PAGR1: variants seen among roughly 807,000 people sequenced by gnomAD.
PAGR1 encodes PAXIP1-associated glutamate-rich protein 1.
PAGR1 carries 20 observed loss-of-function variants against 22.4 expected under a neutral mutation model. The ratio of observed to expected loss-of-function variants is 0.89; its 90% CI spans 0.63 to 1.30. The LOEUF is 1.30. PAGR1 is among the 50% of genes most tolerant of loss of function. The pLI is 0.00. For missense variants in PAGR1, 338 were observed against 343.6 expected (o/e 0.98, Z 0.13); for synonymous variants, 161 against 148.3 (o/e 1.09, Z -0.62).
rs1054295809 is a variant in PAGR1 at position 29,819,910 on chromosome 16, T to TGA, written c.*157_*158insAG. On this transcript the variant is annotated 3_prime_UTR_variant, in exon 3 of 3. Transcript: ENST00000320330. ...GAAAGAGGAAGAGAGAGTGTGAGTGTGTGTGTGTGTTTTTTCTATTGAACA... is the reference window on the plus strand; with the variant it reads ...GAAAGAGGAAGAGAGAGTGTGAGTGTGAGTGTGTGTGTTTTTTCTATTGAACA... The TGA allele has an allele frequency of 3.0e-5, 24 of 802,272 alleles. No homozygotes were observed. The highest frequency in any genetic ancestry group is 4.0e-5 in the Non-Finnish European group (21 of 522,552). The allele number at this position is 802,272 out of a possible 1,614,324, so 49.7% of individuals were successfully genotyped here.
At chr16:29,817,075 A>C in intron 1 of PAGR1, 68 bp downstream of exon 1, 1 of 1,555,898 alleles carries the variant, frequency 6.4e-7, no homozygotes, top group African/African-American at 1.4e-5. Context: ...TAGGGAGGGG[A>C]AAATGTGGGA....
In PAGR1 at chr16:29,816,847, C is replaced by G; in HGVS notation, c.322C>G (p.Pro108Ala). Residue 108 changes from proline to alanine, a missense_variant, in exon 1 of 3, where the codon CCG becomes GCG. By Grantham distance (27) the Pro-to-Ala change is conservative. Around this residue, in one of 3 missense-constraint regions of PAGR1, gnomAD observed 235 missense variants for 216.0 expected, o/e 1.09. Coordinates refer to ENST00000320330, the MANE Select transcript of PAGR1 (RefSeq NM_024516.4). ...TGCGGATGGGCAGCCCTGGATGCCC[C>G]CGCCCTCCGAAATCCAGCGGCTCTA... Reference protein sequence around the residue: ...LPADGQPWMPPPSEIQRLYEL... With the variant: ...LPADGQPWMPAPSEIQRLYEL... The G allele has an allele frequency of 4.5e-6, 7 of 1,561,532 alleles. No individual in the cohort carries two copies. The highest frequency in any genetic ancestry group is 6.1e-6 in the Non-Finnish European group (7 of 1,153,930).
At position 29,819,564 on chromosome 16, in the gene PAGR1, C is replaced by T. The variant is rs1283142473; in HGVS notation, c.575C>T (p.Ala192Val). 1 of 1,614,106 alleles carries T rather than the reference C, an allele frequency of 6.2e-7. No homozygotes were observed. The change falls in exon 3 of 3, where the codon GCC becomes GTC. Residue 192 changes from alanine to valine, a missense_variant. Physicochemically the swap from Ala to Val is moderately conservative, Grantham distance 64 (BLOSUM62 0). Coordinates refer to ENST00000320330, the MANE Select transcript of PAGR1 (RefSeq NM_024516.4). ...IDRRRTPGSS[A>V]RSQKREARLD... ...CCTTCCTCTTCTCCAGGAAGCTCAG[C>T]CCGGAGCCAGAAACGGGAGGCCCGC...
intron 2 of PAGR1, chr16:29,818,568 C>CA (rs1555503473): frequency 1.3e-5 from 2 of 151,794 alleles, no homozygotes; most frequent in Non-Finnish European, 2.9e-5. Flanking sequence ...AATCATATCA[C>CA]TTTTTTTTTC....
intron 2 of PAGR1, among the ~76,000 whole-genome samples, chr16:29,819,056 T>C (rs927713676): frequency 4.0e-5 from 6 of 151,772 alleles, no homozygotes; most frequent in African/African-American, 1.2e-4. Context: ...AGTGCAGTAG[T>C]GCGATCTTGG....
At position 29,816,879 on chromosome 16, in the gene PAGR1, G is replaced by C. The variant is rs769455895; in HGVS notation, c.354G>C (p.Leu118=). The change falls in exon 1 of 3, where the codon CTG becomes CTC. Residue 118 remains leucine (L), a synonymous_variant. Transcript: ENST00000320330. The part of the protein sequence containing the change: ...PPSEIQRLYE[L]LAAHGTLELQ... ...CCGAAATCCAGCGGCTCTATGAACT[G>C]CTGGCTGCCCACGGTACTCTGGAGC... The C allele has an allele frequency of 1.4e-5, 22 of 1,563,918 alleles. No homozygotes were observed. The highest frequency in any genetic ancestry group is 1.9e-5 in the Non-Finnish European group (22 of 1,156,260).
At position 29,819,606 on chromosome 16, in the gene PAGR1, C is replaced by G. The variant is rs778488514; in HGVS notation, c.617C>G (p.Ser206Trp). ...GAGGCCCGCCTGGACAAGGTGCTGT[C>G]GGACATGAAGAGACACAAGAAGCTG... ...KREARLDKVL[S>W]DMKRHKKLEE... is the part of the protein sequence containing the mutation. Residue 206 changes from serine to tryptophan, a missense_variant, in exon 3 of 3, where the codon TCG (serine) becomes TGG (tryptophan). Physicochemically the swap from Ser to Trp is radical, Grantham distance 177. Around this residue, in one of 3 missense-constraint regions of PAGR1, gnomAD observed 51 missense variants for 83.1 expected, o/e 0.61. Coordinates refer to ENST00000320330, the MANE Select transcript of PAGR1 (RefSeq NM_024516.4). 6.2e-7 allele frequency: 1 copy of G among 1,614,132 alleles called. No homozygotes were observed. Among genetic ancestry groups the G allele is most frequent in the Non-Finnish European group, 8.5e-7 (1 of 1,180,040 alleles).
chr16:29,816,574 CCT>C lies in PAGR1; in HGVS notation c.52_53del (p.Leu18ValfsTer2). 1.3e-6 allele frequency: 2 copies of C among 1,513,098 alleles called. No homozygotes were observed. The highest frequency in any genetic ancestry group is 1.8e-6 in the Non-Finnish European group (2 of 1,133,536). The allele number at this position is 1,513,098 out of a possible 1,614,324, so 93.7% of individuals were successfully genotyped here. On this transcript the variant is annotated frameshift_variant, in exon 1 of 3. Transcript: ENST00000320330. LOFTEE classifies it high-confidence loss of function. ...AGACACTGCGGCCAGTACGGCGGCG[CCT>C]CTGTCTGAAGAAGGGGAAGTGACCT... ...HGDTAASTAA[P>X]LSEEGEVTSG...
chr16:29,818,854 T>C (rs1407193711), intron 2 of PAGR1, among the ~76,000 whole-genome samples: 1 of 152,056 alleles, frequency 6.6e-6, no homozygotes, highest in Non-Finnish European at 1.5e-5. Context: ...AGGCGTGAGC[T>C]GCTGCACTCA....
In PAGR1 at chr16:29,820,961, C is replaced by CT. The variant is rs2067354162; in HGVS notation, c.*1208dup. 6.6e-6 allele frequency: 1 copy of CT among 152,368 alleles called. No homozygotes were observed. Among genetic ancestry groups the CT allele is most frequent in the Non-Finnish European group, 1.5e-5 (1 of 68,176 alleles). 9.4% of individuals were successfully genotyped at this position (152,368 alleles called of 1,614,324 possible). ...CTGTACCCATTCAGGCCCCTTAACTCTGACAGATGAGGGTTTCTTACTCCT... is the reference window on the plus strand; with the variant it reads ...CTGTACCCATTCAGGCCCCTTAACTCTTGACAGATGAGGGTTTCTTACTCCT... On this transcript the variant is annotated 3_prime_UTR_variant, in exon 3 of 3. Transcript: ENST00000320330.
Position 29,817,246 on chromosome 16 carries a change from G to A in PAGR1, c.519G>A (p.Glu173=), listed in dbSNP as rs1358934939. ...HMPTEFDFDD[E]PVTPKDSLID... ...CCACGGAATTTGATTTTGATGATGA[G>A]CCAGTGACACCAAAGGACTCCCTGA... Residue 173 remains glutamate (E), a synonymous_variant, in exon 2 of 3, where the codon GAG becomes GAA. Coordinates refer to ENST00000320330, the MANE Select transcript of PAGR1 (RefSeq NM_024516.4). 2 of 1,613,998 alleles carry A rather than the reference G, an allele frequency of 1.2e-6. No individual in the cohort carries two copies. The highest frequency in any genetic ancestry group is 2.2e-5 in the South Asian group (2 of 91,078).
intron 2 of PAGR1, 146 bp from the exon 3 acceptor site, chr16:29,819,409 G>T (rs1308808081): frequency 9.2e-6 from 7 of 758,756 alleles, no homozygotes; most frequent in Non-Finnish European, 1.5e-5. Context: ...CCTCTCTGAG[G>T]TCCAACCCTG....
In PAGR1 at chr16:29,819,906, AGTGTGTGT is replaced by A; in HGVS notation, c.*159_*166del. On this transcript the variant is annotated 3_prime_UTR_variant, in exon 3 of 3. Coordinates refer to ENST00000320330, the MANE Select transcript of PAGR1 (RefSeq NM_024516.4). Reference sequence around the variant, plus strand: ...GCGGGAAAGAGGAAGAGAGAGTGTGAGTGTGTGTGTGTGTTTTTTCTATTGAACACCTG... The same window carrying A: ...GCGGGAAAGAGGAAGAGAGAGTGTGAGTGTGTTTTTTCTATTGAACACCTG... 3.6e-6 allele frequency: 3 copies of A among 829,804 alleles called. No homozygotes were observed. Among genetic ancestry groups the A allele is most frequent in the Non-Finnish European group, 3.7e-6 (2 of 547,638 alleles). 51.4% of individuals were successfully genotyped at this position (829,804 alleles called of 1,614,324 possible). A position where few individuals can be genotyped will look rare whatever the true frequency, so the allele number is the denominator to read the frequency against.
In PAGR1 at chr16:29,820,468, TC is replaced by T. The variant is rs1900347018; in HGVS notation, c.*718del. 6.7e-6 allele frequency: 1 copy of T among 149,316 alleles called. No homozygotes were observed. The highest frequency in any genetic ancestry group is 1.5e-5 in the Non-Finnish European group (1 of 67,250). The allele number at this position is 149,316 out of a possible 1,614,324, so 9.2% of individuals were successfully genotyped here. A position where few individuals can be genotyped will look rare whatever the true frequency, so the allele number is the denominator to read the frequency against. On this transcript the variant is annotated 3_prime_UTR_variant, in exon 3 of 3. Transcript: ENST00000320330. ...GTGATCCCCAAGGCAGGGTGAGAGT[TC>T]CCCATCTGAGGCGTTTGTTGCAGCT...
Position 29,816,797 on chromosome 16 carries a change from G to T in PAGR1, c.272G>T (p.Cys91Phe). The change falls in exon 1 of 3, where the codon TGC (cysteine) becomes TTC (phenylalanine). Residue 91 changes from cysteine to phenylalanine, a missense_variant. Around this residue, in one of 3 missense-constraint regions of PAGR1, gnomAD observed 235 missense variants for 216.0 expected, o/e 1.09. Coordinates refer to ENST00000320330, the MANE Select transcript of PAGR1 (RefSeq NM_024516.4). ...EEDSEDWCVP[C>F]SDEEVELPAD... ...GACTCCGAGGACTGGTGCGTGCCCT[G>T]CAGCGACGAGGAGGTGGAGCTGCCT... 6.4e-7 allele frequency: 1 copy of T among 1,571,756 alleles called. No homozygotes were observed. The highest frequency in any genetic ancestry group is 8.6e-7 in the Non-Finnish European group (1 of 1,159,034).
rs762620101 is a variant in PAGR1, at chr16:29,819,686, C to T, written c.697C>T (p.Pro233Ser). The T allele has an allele frequency of 1.9e-6, 3 of 1,613,846 alleles. No individual in the cohort carries two copies. Among genetic ancestry groups the T allele is most frequent in the South Asian group, 1.1e-5 (1 of 91,084 alleles). The stretch of plus-strand genomic sequence containing the variant: ...CCTCTTCAGCCTGGACTCGGAGGAC[C>T]CCAGCCCCGCCAGCCCCCCACTCCG... ...RDLFSLDSED[P>S]SPASPPLRSS... The change falls in exon 3 of 3, where the codon CCC becomes TCC. Residue 233 changes from proline (P) to serine (S), a missense_variant. Physicochemically the swap from Pro to Ser is moderately conservative, Grantham distance 74. Transcript: ENST00000320330.
Position 29,816,648 on chromosome 16 carries a change from C to G in PAGR1, c.123C>G (p.Ala41=), listed in dbSNP as rs943606661. 2 of 1,556,632 alleles carry G rather than the reference C, an allele frequency of 1.3e-6. No individual in the cohort carries two copies. The highest frequency in any genetic ancestry group is 2.0e-5 in the Admixed American group (1 of 50,286). The change falls in exon 1 of 3, where the codon GCC becomes GCG. Residue 41 remains alanine, a synonymous_variant. Coordinates refer to ENST00000320330, the MANE Select transcript of PAGR1 (RefSeq NM_024516.4). The stretch of plus-strand genomic sequence containing the variant: ...TGGAGGATACCGGAGGCCCCTCTGC[C>G]TCGGCCGGTAAGGCCGAGGACGAGG... ...LAVEDTGGPS[A]SAGKAEDEGE... is the part of the protein sequence containing the mutation.
rs2067366448 is a variant in PAGR1, at chr16:29,822,090, T to G, written c.*2336T>G. Reference sequence around the variant, plus strand: ...GTGTGTGTGTGGTTGGGGTTTTGTTTTTTTTTTTTTTTTAAAGAATTATAG... The same window carrying G: ...GTGTGTGTGTGGTTGGGGTTTTGTTGTTTTTTTTTTTTTAAAGAATTATAG... On this transcript the variant is annotated 3_prime_UTR_variant, in exon 3 of 3. Transcript: ENST00000320330. Among the ~76,000 whole-genome samples the G allele has an allele frequency of 6.6e-6, 1 of 151,252 alleles. No homozygotes were observed. The highest frequency in any genetic ancestry group is 1.5e-5 in the Non-Finnish European group (1 of 67,750).
At position 29,816,426 on chromosome 16, in the gene PAGR1, G is replaced by A. The variant is rs549131680; in HGVS notation, c.-100G>A. On this transcript the variant is annotated 5_prime_UTR_variant, in exon 1 of 3. Transcript: ENST00000320330. ...GGAGTCCCCTGCGGGAGCGTGATTG[G>A]CTGGAAACGGTCCCGAACCCCCAGG... is the stretch of plus-strand genomic sequence containing the variant. 9 of 1,237,350 alleles carry A rather than the reference G, an allele frequency of 7.3e-6. No individual in the cohort carries two copies. In the East Asian group the frequency reaches 8.6e-5, roughly 12 times the overall value. 76.6% of individuals were successfully genotyped at this position (1,237,350 alleles called of 1,614,324 possible). A position where few individuals can be genotyped will look rare whatever the true frequency, so the allele number is the denominator to read the frequency against.
Sources: allele counts gnomAD v4.1 joint callset (sites outside exome capture counted in the v4.1 genomes callset), GRCh38; gene constraint gnomAD v4.1.1; regional missense constraint gnomAD v4.1.1; transcripts MANE v1.5; gene names NCBI Gene and HGNC (gene_info 2026-07-23, HGNC 2026-07-21).